The following ZNF484 variants were observed in gnomAD, a reference collection of about 807,000 sequenced individuals.
ZNF484 encodes KRAB box containing C2H2 type zinc finger bA526D8.4.
Under a neutral mutation model 12.9 loss-of-function variants are expected in ZNF484, and 11 were observed. That is an observed-to-expected ratio of 0.85 (90% CI 0.54 to 1.41). The LOEUF (loss-of-function observed/expected upper bound fraction) is 1.41. Ranked by LOEUF, ZNF484 falls within the 40% of genes most tolerant of loss-of-function variation. ZNF484 has a pLI of 0.00. For missense variants in ZNF484, 807 were observed against 1,007.7 expected, an observed-to-expected ratio of 0.80 and a Z score of 2.70; for synonymous variants, 289 against 334.1, an observed-to-expected ratio of 0.86 and a Z score of 1.47.
intron 2 of ZNF484, among the ~76,000 whole-genome samples, chr9:92,860,675 A>C (rs1051695871): frequency 1.3e-5 from 2 of 152,050 alleles, no homozygotes; most frequent in African/African-American, 4.8e-5. Context: ...AAACTACAAA[A>C]GATGCATCCT....
Position 92,855,908 on chromosome 9 carries a change from T to G in ZNF484, c.143-5A>C. ...CTGGTTTGGGAACTTGACATCCTGT[T>G]AACAGGGGATGATAGAGGACTTGAT... is the stretch of plus-strand genomic sequence containing the variant. On this transcript the variant is annotated splice_polypyrimidine_tract_variant and splice_region_variant and intron_variant, in intron 3 of 4. Transcript: ENST00000375495. The G allele has an allele frequency of 6.2e-6, 10 of 1,613,894 alleles. No homozygotes were observed. The highest frequency in any genetic ancestry group is 7.6e-6 in the Non-Finnish European group (9 of 1,179,890).
chr9:92,846,494 C>A lies in ZNF484; in HGVS notation c.2293G>T (p.Glu765Ter). ...KSFIKKSQLH[E>*]HHRIHTGEKP... ...TCTCCTGTGTGAATTCGATGATGCT[C>A]ATGGAGTTGTGATTTCTTAATGAAA... Residue 765 changes from glutamate to a stop codon, truncating the protein, a stop_gained, in exon 5 of 5, where the codon GAG (glutamate) becomes TAG (stop). Coordinates refer to ENST00000375495, the MANE Select transcript of ZNF484 (RefSeq NM_031486.4). LOFTEE classifies it low-confidence loss of function (END_TRUNC). 1 of 1,613,966 alleles carries A rather than the reference C, an allele frequency of 6.2e-7. No homozygotes were observed. The highest frequency in any genetic ancestry group is 1.7e-5 in the Admixed American group (1 of 60,008).
intron 2 of ZNF484, among the ~76,000 whole-genome samples, chr9:92,861,886 C>T (rs978325658): frequency 3.3e-5 from 5 of 152,130 alleles, no homozygotes; most frequent in Admixed American, 6.5e-5. Context: ...TGTCTAGATA[C>T]ATTGTAAGAT....
At chr9:92,869,839 G>C (rs1857326361) in intron 2 of ZNF484, among the ~76,000 whole-genome samples, 2 of 152,208 alleles carry the variant, frequency 1.3e-5, no homozygotes, top group Non-Finnish European at 2.9e-5. Flanking sequence ...GATGACAACT[G>C]TTTTATTCTA....
intron 3 of ZNF484, 130 bp from the exon 4 acceptor site, chr9:92,856,033 G>A (rs1190499339): frequency 1.4e-6 from 2 of 1,391,562 alleles, no homozygotes; most frequent in African/African-American, 2.9e-5. Context: ...TTAAGAACAT[G>A]GGACAAAATA....
chr9:92,844,790 A>G lies in ZNF484; in HGVS notation c.*1438T>C, dbSNP rs907342545. On this transcript the variant is annotated 3_prime_UTR_variant, in exon 5 of 5. Coordinates refer to ENST00000375495, the MANE Select transcript of ZNF484 (RefSeq NM_031486.4). ...CCAAACTCACAGTAAAAGAAATACTAAAGGGTGTTCCTCAGTAAGAAGCAA... is the reference window on the plus strand; with the variant it reads ...CCAAACTCACAGTAAAAGAAATACTGAAGGGTGTTCCTCAGTAAGAAGCAA... Among the ~76,000 whole-genome samples, 1 of 152,196 alleles carries G rather than the reference A, an allele frequency of 6.6e-6. No homozygotes were observed. Among genetic ancestry groups the G allele is most frequent in the Non-Finnish European group, 1.5e-5 (1 of 68,022 alleles).
rs746567092 is a variant in ZNF484 at position 92,846,191 on chromosome 9, C to T, written c.*37G>A. On this transcript the variant is annotated 3_prime_UTR_variant, in exon 5 of 5. Coordinates refer to ENST00000375495, the MANE Select transcript of ZNF484 (RefSeq NM_031486.4). ...AAGTGTCTCCCCATATGTGTAACTA[C>T]ACATCAGCTATATGATCCAGATGTT... is the stretch of plus-strand genomic sequence containing the variant. 1.9e-6 allele frequency: 3 copies of T among 1,582,628 alleles called. No individual in the cohort carries two copies. In the South Asian group the frequency reaches 3.5e-5, roughly 19 times the overall value.
chr9:92,858,524 T>C (rs913404470), intron 2 of ZNF484, among the ~76,000 whole-genome samples: 1 of 152,152 alleles, frequency 6.6e-6, no homozygotes, highest in Non-Finnish European at 1.5e-5. Context: ...AATACCTCTT[T>C]ACAAAACTGC....
At chr9:92,864,530 C>T (rs1856956417) in intron 2 of ZNF484, among the ~76,000 whole-genome samples, 1 of 152,100 alleles carries the variant, frequency 6.6e-6, no homozygotes, top group African/African-American at 2.4e-5. Context: ...TGTGTTTAAG[C>T]CCGTAATTCT....
chr9:92,871,471 C>A (rs896242199), intron 2 of ZNF484, among the ~76,000 whole-genome samples: 2 of 151,960 alleles, frequency 1.3e-5, no homozygotes, highest in Non-Finnish European at 2.9e-5. Context: ...ATTGGAGTTC[C>A]AGAAAGAGAA....
At position 92,855,873 on chromosome 9, in the gene ZNF484, A is replaced by C; in HGVS notation, c.173T>G (p.Phe58Cys). 6.2e-7 allele frequency: 1 copy of C among 1,614,172 alleles called. No homozygotes were observed. Among genetic ancestry groups the C allele is most frequent in the Non-Finnish European group, 8.5e-7 (1 of 1,180,020 alleles). Residue 58 changes from phenylalanine (F) to cysteine (C), a missense_variant, in exon 4 of 5, where the codon TTC (phenylalanine) becomes TGC (cysteine). Transcript: ENST00000375495. ...GCQVPKPEVI[F>C]SLEQEEPCML... ...ACATGGCTCTTCTTGTTCCAAGCTG[A>C]AGATGACTTCTGGTTTGGGAACTTG... is the stretch of plus-strand genomic sequence containing the variant.
chr9:92,871,358 G>C (rs1284133675), intron 2 of ZNF484, among the ~76,000 whole-genome samples: 2 of 151,984 alleles, frequency 1.3e-5, no homozygotes, highest in Non-Finnish European at 2.9e-5. Flanking sequence ...AAATAAAGTA[G>C]AAATGATCTA....
chr9:92,865,503 AAAC>A (rs1259669347), intron 2 of ZNF484, among the ~76,000 whole-genome samples: 1 of 152,226 alleles, frequency 6.6e-6, no homozygotes, highest in African/African-American at 2.4e-5. Context: ...TAAAGATTGA[AAAC>A]ACCAAGTACT....
chr9:92,848,544 G>A lies in ZNF484; in HGVS notation c.243C>T (p.Asp81=), dbSNP rs762543837. Residue 81 remains aspartate, a synonymous_variant, in exon 5 of 5, where the codon GAC becomes GAT. Coordinates refer to ENST00000375495, the MANE Select transcript of ZNF484 (RefSeq NM_031486.4). This position sits in a 1 kb window ranked among gnomAD's most constrained non-coding sequence, Gnocchi z 4.1. ...TCTGTTGTAAAGGTCCAAAACCAAT[G>A]TCCCCATCTAAAAAAGAAAGAAAAG... ...EIPSQSRPDG[D]IGFGPLQQRM... 1.3e-6 allele frequency: 2 copies of A among 1,570,538 alleles called. No homozygotes were observed. The highest frequency in any genetic ancestry group is 1.7e-6 in the Non-Finnish European group (2 of 1,167,282).
At chr9:92,865,770 A>G (rs1189978625) in intron 2 of ZNF484, among the ~76,000 whole-genome samples, 1 of 152,132 alleles carries the variant, frequency 6.6e-6, no homozygotes, top group East Asian at 1.9e-4. Flanking sequence ...TTAGCCAGGC[A>G]TGGTGGCATG....
At chr9:92,852,979 C>A (rs1365397198) in intron 4 of ZNF484, among the ~76,000 whole-genome samples, 3 of 152,142 alleles carry the variant, frequency 2.0e-5, no homozygotes, top group African/African-American at 7.2e-5. Flanking sequence ...AAATATGAGG[C>A]CATATTCTTT....
At chr9:92,862,494 A>T in intron 2 of ZNF484, among the ~76,000 whole-genome samples, 1 of 152,040 alleles carries the variant, frequency 6.6e-6, no homozygotes, top group East Asian at 1.9e-4. Context: ...TGTTTAATGC[A>T]AGCAGAGTAG....
intron 1 of ZNF484, among the ~76,000 whole-genome samples, chr9:92,876,408 A>G (rs1043402113): frequency 7.2e-5 from 11 of 152,214 alleles, no homozygotes; most frequent in Admixed American, 1.3e-4. Context: ...GTAAAATTCT[A>G]TCAACAGAGA....
chr9:92,852,361 T>A (rs1418591637), intron 4 of ZNF484, among the ~76,000 whole-genome samples: 1 of 152,122 alleles, frequency 6.6e-6, no homozygotes, highest in East Asian at 1.9e-4. Flanking sequence ...TGGCACGATC[T>A]CGGCTCACTG....
Sources: gnomAD v4.1 joint callset for allele counts (sites outside exome capture counted in the v4.1 genomes callset) on GRCh38, gnomAD v4.1.1 for gene constraint, Gnocchi (gnomAD v3.1) non-coding constraint, MANE v1.5 for transcripts, NCBI Gene and HGNC (gene_info 2026-07-23, HGNC 2026-07-21) for gene names.